Variants in SLC34A1 observed in about 807,000 individuals in gnomAD.
SLC34A1 encodes the protein sodium-dependent phosphate transport protein 2A.
SLC34A1 carries 57 observed loss-of-function variants against 51.4 expected under a neutral mutation model. That is an observed-to-expected ratio of 1.11 (90% CI 0.90 to 1.38). The LOEUF is 1.38. Among genes scored for constraint, SLC34A1 ranks in the 40% most tolerant of loss-of-function variants. The pLI is 0.00. For synonymous variants in SLC34A1, 368 were observed against 358.0 expected (o/e 1.03, Z -0.32); for missense variants, 796 against 835.6 (o/e 0.95, Z 0.58).
In SLC34A1 at chr5:177,398,395, G is replaced by T; in HGVS notation, c.*109G>T. 1.5e-6 allele frequency: 2 copies of T among 1,295,370 alleles called. No homozygotes were observed. The highest frequency in any genetic ancestry group is 2.2e-6 in the Non-Finnish European group (2 of 904,864). The allele number at this position is 1,295,370 out of a possible 1,614,324, so 80.2% of individuals were successfully genotyped here. On this transcript the variant is annotated 3_prime_UTR_variant, in exon 13 of 13. Coordinates refer to ENST00000324417, the MANE Select transcript of SLC34A1 (RefSeq NM_003052.5). This position sits in a 1 kb window ranked among gnomAD's most constrained non-coding sequence, Gnocchi z 4.7. Reference sequence around the variant, plus strand: ...TGTGCCTGTGCCACCCTGGGTGCCAGTCTCTCCTTCTGTAGCTCCGCAAAG... The same window carrying T: ...TGTGCCTGTGCCACCCTGGGTGCCATTCTCTCCTTCTGTAGCTCCGCAAAG...
At chr5:177,385,531 G>T (rs903580285) in intron 1 of SLC34A1, among the ~76,000 whole-genome samples, 164 bp from the exon 2 acceptor site, 1 of 151,788 alleles carries the variant, frequency 6.6e-6, no homozygotes, top group South Asian at 2.1e-4. Flanking sequence ...GGTGTGGTTT[G>T]CTGGGTGTGT....
chr5:177,394,021 C>G lies in SLC34A1; in HGVS notation c.1007-7C>G, dbSNP rs376807217. ...GGGTCAGCTGTCAGGAGCTCCACCC[C>G]CTGCAGGCAACCACATCTTTGTGGA... On this transcript the variant is annotated splice_polypyrimidine_tract_variant and splice_region_variant and intron_variant, in intron 9 of 12. Coordinates refer to ENST00000324417, the MANE Select transcript of SLC34A1 (RefSeq NM_003052.5). 71 of 1,613,856 alleles carry G rather than the reference C, an allele frequency of 4.4e-5. No individual in the cohort carries two copies. Among genetic ancestry groups the G allele is most frequent in the Middle Eastern group, 1.6e-4 (1 of 6,082 alleles).
intron 8 of SLC34A1, chr5:177,389,491 G>A: frequency 1.1e-6 from 1 of 939,602 alleles, no homozygotes; most frequent in Non-Finnish European, 1.6e-6. Flanking sequence ...GCCTCTGAGT[G>A]TTCAAAGCAG....
At position 177,388,297 on chromosome 5, in the gene SLC34A1, C is replaced by G. The variant is rs762084720; in HGVS notation, c.861C>G (p.Thr287=). 6.2e-7 allele frequency: 1 copy of G among 1,614,174 alleles called. No homozygotes were observed. Among genetic ancestry groups the G allele is most frequent in the South Asian group, 1.1e-5 (1 of 91,076 alleles). ...CACAGCTGGACGAGTCTGTGATAACCAGCATTGCCACTGGTGATGAGTCCC... is the reference window on the plus strand; with the variant it reads ...CACAGCTGGACGAGTCTGTGATAACGAGCATTGCCACTGGTGATGAGTCCC... ...LIIQLDESVI[T]SIATGDESLR... Residue 287 remains threonine (T), a synonymous_variant, in exon 8 of 13, where the codon ACC becomes ACG. Transcript: ENST00000324417. This position sits in a 1 kb window ranked among gnomAD's most constrained non-coding sequence, Gnocchi z 4.3.
chr5:177,392,464 A>AAAAT (rs10625002), intron 8 of SLC34A1, among the ~76,000 whole-genome samples: 4,538 of 151,236 alleles, frequency 0.03, 199 homozygotes, highest in African/African-American at 0.1. Context: ...ACTCTGTCTC[A>AAAAT]AAATAAATAA....
At position 177,398,311 on chromosome 5, in the gene SLC34A1, G is replaced by A. The variant is rs1215276684; in HGVS notation, c.*25G>A. The A allele has an allele frequency of 6.3e-7, 1 of 1,599,034 alleles. No individual in the cohort carries two copies. ...GGCTGTGGGCCCAGACTACAGCCTGGAATGGGGAAGGCCTGGGGTGGAAAG... is the reference window on the plus strand; with the variant it reads ...GGCTGTGGGCCCAGACTACAGCCTGAAATGGGGAAGGCCTGGGGTGGAAAG... On this transcript the variant is annotated 3_prime_UTR_variant, in exon 13 of 13. Coordinates refer to ENST00000324417, the MANE Select transcript of SLC34A1 (RefSeq NM_003052.5). The surrounding 1 kb of genome is among the most constrained non-coding windows in gnomAD (Gnocchi z 4.7).
intron 8 of SLC34A1, chr5:177,390,464 G>C (rs1030326310): frequency 1.4e-5 from 11 of 777,214 alleles, no homozygotes; most frequent in Non-Finnish European, 1.7e-5. Context: ...GCAGTGGCTT[G>C]CCCAAGTCCA....
Position 177,396,026 on chromosome 5 carries a change from C to T in SLC34A1, c.1175-707C>T, listed in dbSNP as rs1208487379. 6.6e-6 allele frequency among the ~76,000 whole-genome samples: 1 copy of T among 152,178 alleles called. No individual in the cohort carries two copies. The highest frequency in any genetic ancestry group is 2.4e-5 in the African/African-American group (1 of 41,430). The stretch of plus-strand genomic sequence containing the variant: ...AACTCCCAGCCTCAGGTGATCCACC[C>T]AACTCAGCATCCCAAAGTGCTGGGA... On this transcript the variant is annotated intron_variant, in intron 10 of 12. Coordinates refer to ENST00000324417, the MANE Select transcript of SLC34A1 (RefSeq NM_003052.5). The surrounding 1 kb of genome is among the most constrained non-coding windows in gnomAD (Gnocchi z 4.0).
At chr5:177,393,189 A>G (rs777787784) in intron 8 of SLC34A1, among the ~76,000 whole-genome samples, 8 of 152,194 alleles carry the variant, frequency 5.3e-5, no homozygotes, top group Non-Finnish European at 1.0e-4. Context: ...GGTGGGCAGA[A>G]GAGACGTGTG....
At chr5:177,387,143 G>T (rs1762606397) in intron 5 of SLC34A1, among the ~76,000 whole-genome samples, 1 of 151,890 alleles carries the variant, frequency 6.6e-6, no homozygotes, top group Non-Finnish European at 1.5e-5. Context: ...GGCTGAGGGG[G>T]GCAGATCACG....
rs137909349 is a variant in SLC34A1 at position 177,387,850 on chromosome 5, G to C, written c.621G>C (p.Ala207=). 2 of 1,613,490 alleles carry C rather than the reference G, an allele frequency of 1.2e-6. No individual in the cohort carries two copies. The highest frequency in any genetic ancestry group is 1.7e-6 in the Non-Finnish European group (2 of 1,179,894). Residue 207 remains alanine (A), a synonymous_variant, in exon 6 of 13, where the codon GCG becomes GCC. Coordinates refer to ENST00000324417, the MANE Select transcript of SLC34A1 (RefSeq NM_003052.5). ...ACACCATCGTGGCCCTGATGCAGGC[G>C]GGGGACAGGACTGACTTCCGGCGGT... ...VTNTIVALMQ[A]GDRTDFRRAF... is the part of the protein sequence containing the mutation.
At position 177,397,913 on chromosome 5, in the gene SLC34A1, TC is replaced by T; in HGVS notation, c.1549del (p.Leu517SerfsTer26). 1.2e-6 allele frequency: 2 copies of T among 1,613,990 alleles called. No homozygotes were observed. The highest frequency in any genetic ancestry group is 1.7e-6 in the Non-Finnish European group (2 of 1,179,982). The stretch of plus-strand genomic sequence containing the variant: ...ACGGCCAAGTACCGCTGGTTTGCCG[TC>T]CTCTATCTCCTTGTCTGCTTCCTGC... The part of the protein sequence containing the change: ...KRTAKYRWFA[V>X]LYLLVCFLLL... On this transcript the variant is annotated frameshift_variant, in exon 13 of 13. Transcript: ENST00000324417. LOFTEE classifies it high-confidence loss of function.
Position 177,386,467 on chromosome 5 carries a change from A to T in SLC34A1, c.433A>T (p.Asn145Tyr). The T allele has an allele frequency of 6.2e-7, 1 of 1,614,122 alleles. No homozygotes were observed. Among genetic ancestry groups the T allele is most frequent in the East Asian group, 2.2e-5 (1 of 44,866 alleles). The change falls in exon 5 of 13, where the codon AAC becomes TAC. Residue 145 changes from asparagine to tyrosine, a missense_variant. Asn to Tyr is a moderately radical substitution (Grantham distance 143). Transcript: ENST00000324417. The surrounding 1 kb of genome is among the most constrained non-coding windows in gnomAD (Gnocchi z 4.8). Reference sequence around the variant, plus strand: ...CTTCAAGGATAACGCCATCCTGTCCAACCCGGTGGCCGGGCTGGTGGTGGG... The same window carrying T: ...CTTCAAGGATAACGCCATCCTGTCCTACCCGGTGGCCGGGCTGGTGGTGGG... ...DIFKDNAILS[N>Y]PVAGLVVGIL...
Position 177,386,982 on chromosome 5 carries a change from C to T in SLC34A1, c.532+416C>T, listed in dbSNP as rs560761253. On this transcript the variant is annotated intron_variant, in intron 5 of 12. Coordinates refer to ENST00000324417, the MANE Select transcript of SLC34A1 (RefSeq NM_003052.5). The surrounding 1 kb of genome is among the most constrained non-coding windows in gnomAD (Gnocchi z 4.8). Reference sequence around the variant, plus strand: ...TTTCTTAAAGTCAGCTGACTGTAGACGTGAATTGCATCTACAAAACACCTT... The same window carrying T: ...TTTCTTAAAGTCAGCTGACTGTAGATGTGAATTGCATCTACAAAACACCTT... Among the ~76,000 whole-genome samples, 44 of 152,190 alleles carry T rather than the reference C, an allele frequency of 2.9e-4. No individual in the cohort carries two copies. Among genetic ancestry groups the T allele is most frequent in the South Asian group, 2.1e-4 (1 of 4,814 alleles).
At chr5:177,395,643 T>A (rs1056158621) in intron 10 of SLC34A1, among the ~76,000 whole-genome samples, 3 of 152,178 alleles carry the variant, frequency 2.0e-5, no homozygotes, top group Admixed American at 2.0e-4. Context: ...TTCCCTTTTT[T>A]GTTTTTTGAG....
chr5:177,385,404 G>A (rs1762525072), intron 1 of SLC34A1, among the ~76,000 whole-genome samples: 1 of 152,104 alleles, frequency 6.6e-6, no homozygotes, highest in South Asian at 2.1e-4. Context: ...GTGAATGAAT[G>A]ATCACCTCAC....
At chr5:177,387,206 T>C (rs1581636536) in intron 5 of SLC34A1, among the ~76,000 whole-genome samples, 1 of 142,452 alleles carries the variant, frequency 7.0e-6, no homozygotes, top group Non-Finnish European at 1.5e-5. Context: ...CTGTCTCTAC[T>C]AAAAATACAA....
rs1292999081 is a variant in SLC34A1, at chr5:177,384,450, T to C, written c.-85T>C. On this transcript the variant is annotated 5_prime_UTR_variant, in exon 1 of 13. Transcript: ENST00000324417. ...CTCCTCAGGGTCCTGGAGGCTTCAT[T>C]GAGCTGCTGAGCAGAAGCTGAAACA... The C allele has an allele frequency of 6.6e-6, 1 of 152,150 alleles. No individual in the cohort carries two copies. Among genetic ancestry groups the C allele is most frequent in the African/African-American group, 2.4e-5 (1 of 41,362 alleles). 9.4% of individuals were successfully genotyped at this position (152,150 alleles called of 1,614,324 possible).
At position 177,388,397 on chromosome 5, in the gene SLC34A1, T is replaced by C; in HGVS notation, c.936+25T>C. 6.4e-7 allele frequency: 1 copy of C among 1,560,926 alleles called. No homozygotes were observed. The highest frequency in any genetic ancestry group is 8.8e-7 in the Non-Finnish European group (1 of 1,131,730). ...GGTGAGTCCCAGGCCTAACCCCAGGTAAGAGGACTCCCTCTTCAGACTCTT... is the reference window on the plus strand; with the variant it reads ...GGTGAGTCCCAGGCCTAACCCCAGGCAAGAGGACTCCCTCTTCAGACTCTT... On this transcript the variant is annotated intron_variant, in intron 8 of 12. Transcript: ENST00000324417. This position sits in a 1 kb window ranked among gnomAD's most constrained non-coding sequence, Gnocchi z 4.3.
Sources: gnomAD v4.1 joint callset for allele counts (sites outside exome capture counted in the v4.1 genomes callset) on GRCh38, gnomAD v4.1.1 for gene constraint, Gnocchi (gnomAD v3.1) non-coding constraint, MANE v1.5 for transcripts, NCBI Gene and HGNC (gene_info 2026-07-23, HGNC 2026-07-21) for gene names.